Variants in FREM1 observed in about 807,000 individuals in gnomAD.
FREM1 encodes the protein FRAS1-related extracellular matrix protein 1.
In FREM1, 220 loss-of-function variants were observed where a neutral mutation model predicts 210.1. That is an observed-to-expected ratio of 1.05 (90% CI 0.94 to 1.17). The LOEUF (loss-of-function observed/expected upper bound fraction) is 1.17, where lower values mean the gene tolerates loss of function less well. FREM1 is among the 50% of genes most tolerant of loss of function. The pLI is 0.00. For synonymous variants in FREM1, 1,189 were observed against 980.2 expected (o/e 1.21, Z -3.98); for missense variants, 3,454 against 2,675.5 (o/e 1.29, Z -6.42).
At chr9:14,907,362 G>C (rs766068635) in intron 1 of FREM1, among the ~76,000 whole-genome samples, 5 of 152,134 alleles carry the variant, frequency 3.3e-5, no homozygotes, top group East Asian at 1.9e-4. Flanking sequence ...AGTGGGTTTT[G>C]CTTTGTTTTT....
chr9:14,783,097 G>A (rs1192050249), intron 24 of FREM1, among the ~76,000 whole-genome samples: 1 of 152,182 alleles, frequency 6.6e-6, no homozygotes, highest in African/African-American at 2.4e-5. Context: ...CTTGTTAAGG[G>A]ACACTTATCA....
intron 15 of FREM1, among the ~76,000 whole-genome samples, chr9:14,814,436 G>A (rs963616090): frequency 1.3e-5 from 2 of 152,138 alleles, no homozygotes; most frequent in African/African-American, 2.4e-5. Context: ...ATGCAACTAT[G>A]TATATGTGTC....
intron 12 of FREM1, 129 bp from the exon 13 acceptor site, chr9:14,823,456 T>C (rs1179318014): frequency 1.3e-6 from 1 of 786,486 alleles, no homozygotes; most frequent in Non-Finnish European, 2.0e-6. Flanking sequence ...ACTTTGAAGA[T>C]TACCAAAAGC....
chr9:14,747,600 T>TA (rs1842702165), intron 32 of FREM1, 81 bp downstream of exon 32: 1 of 1,040,130 alleles, frequency 9.6e-7, no homozygotes, highest in Non-Finnish European at 1.4e-6. Flanking sequence ...TGTATAAATA[T>TA]AAAAAATATA....
chr9:14,740,752 GC>G (rs571726274), intron 35 of FREM1, among the ~76,000 whole-genome samples: 44 of 152,202 alleles, frequency 2.9e-4, no homozygotes, highest in Admixed American at 9.8e-4. Context: ...AATGAGTATA[GC>G]CCCAACTGTC....
At chr9:14,807,918 G>A (rs1341876013) in intron 17 of FREM1, 22 bp downstream of exon 17, 3 of 1,574,698 alleles carry the variant, frequency 1.9e-6, no homozygotes, top group Non-Finnish European at 8.7e-7. Flanking sequence ...AATAGTACTG[G>A]AACAAAAAAA....
rs1042821359 is a variant in FREM1 at position 14,885,444 on chromosome 9, G to T, written c.-267-16200C>A. ...TGATTTTTGTTTGTTTTAGAGACAGGGGTTTCACCCTGTCGCCCAGGCTAG... is the reference window on the plus strand; with the variant it reads ...TGATTTTTGTTTGTTTTAGAGACAGTGGTTTCACCCTGTCGCCCAGGCTAG... On this transcript the variant is annotated intron_variant, in intron 1 of 36. Coordinates refer to ENST00000380880, the MANE Select transcript of FREM1 (RefSeq NM_001379081.2). Among the ~76,000 whole-genome samples the T allele has an allele frequency of 2.6e-5, 4 of 152,138 alleles. No individual in the cohort carries two copies. The South Asian group carries it at 8.3e-4, about 32-fold the overall frequency.
Position 14,825,547 on chromosome 9 carries a change from GTATA to G in FREM1, c.1882-559_1882-556del, listed in dbSNP as rs372128983. Among the ~76,000 whole-genome samples, 734 of 75,892 alleles carry G rather than the reference GTATA, an allele frequency of 9.7e-3. 17 individuals are homozygous for G. Among genetic ancestry groups the G allele is most frequent in the African/African-American group, 0.035 (631 of 17,802 alleles). 49.8% of individuals were successfully genotyped at this position (75,892 alleles called of 152,430 possible). A position where few individuals can be genotyped will look rare whatever the true frequency, so the allele number is the denominator to read the frequency against. On this transcript the variant is annotated intron_variant, in intron 10 of 36. Transcript: ENST00000380880. ...CATATATATATATATGTGTGTGTGT[GTATA>G]TATATATATATATATATATACCACA...
intron 1 of FREM1, among the ~76,000 whole-genome samples, chr9:14,908,631 C>T (rs929912729): frequency 2.0e-5 from 3 of 152,098 alleles, no homozygotes; most frequent in African/African-American, 7.2e-5. Context: ...CCATGTTGCA[C>T]ATTAAGTTAT....
chr9:14,770,629 C>A lies in FREM1; in HGVS notation c.5035G>T (p.Gly1679Ter). 6.2e-7 allele frequency: 1 copy of A among 1,613,118 alleles called. No individual in the cohort carries two copies. The highest frequency in any genetic ancestry group is 8.5e-7 in the Non-Finnish European group (1 of 1,179,372). The stretch of plus-strand genomic sequence containing the variant: ...CCTGTTGTTGTGTTCTCCAGATGTC[C>A]ATGTTTTGGGCCTTGTAGAATTTTA... ...IFKILQGPKH[G>*]HLENTTTGEF... Residue 1679 changes from glycine to a stop codon, truncating the protein, a stop_gained, in exon 26 of 37, where the codon GGA (glycine) becomes TGA (stop). Transcript: ENST00000380880. LOFTEE classifies it high-confidence loss of function.
At position 14,873,489 on chromosome 9, in the gene FREM1, T is replaced by G. The variant is rs180811389; in HGVS notation, c.-267-4245A>C. Among the ~76,000 whole-genome samples, 838 of 152,306 alleles carry G rather than the reference T, an allele frequency of 5.5e-3. 5 individuals carry two copies. The highest frequency in any genetic ancestry group is 0.019 in the African/African-American group (787 of 41,558). Reference sequence around the variant, plus strand: ...TTTGCAGTATTCTCTGATGGTAGTTTGTATTTCTGTGGGATCGGTGGTGAT... The same window carrying G: ...TTTGCAGTATTCTCTGATGGTAGTTGGTATTTCTGTGGGATCGGTGGTGAT... On this transcript the variant is annotated intron_variant, in intron 1 of 36. Coordinates refer to ENST00000380880, the MANE Select transcript of FREM1 (RefSeq NM_001379081.2).
intron 14 of FREM1, 79 bp from the exon 15 acceptor site, chr9:14,816,950 C>A: frequency 2.2e-6 from 1 of 456,094 alleles, no homozygotes; most frequent in East Asian, 3.5e-5. Flanking sequence ...TGAGCTCTTC[C>A]AAGGCTTTGG....
At chr9:14,819,828 C>A (rs1820966310) in intron 13 of FREM1, among the ~76,000 whole-genome samples, 1 of 152,278 alleles carries the variant, frequency 6.6e-6, no homozygotes, top group South Asian at 2.1e-4. Flanking sequence ...CTAAAAAATA[C>A]ACAAAATCTA....
chr9:14,821,822 G>T (rs1821376765), intron 13 of FREM1, among the ~76,000 whole-genome samples: 1 of 152,212 alleles, frequency 6.6e-6, no homozygotes, highest in South Asian at 2.1e-4. Flanking sequence ...AGATCTGCCA[G>T]AGTTTCAAGG....
chr9:14,881,357 T>C, intron 1 of FREM1, among the ~76,000 whole-genome samples: 1 of 152,160 alleles, frequency 6.6e-6, no homozygotes, highest in East Asian at 1.9e-4. Flanking sequence ...CCCACACTTT[T>C]ACAGCCAATC....
At chr9:14,742,856 C>T (rs778896946) in intron 35 of FREM1, among the ~76,000 whole-genome samples, 10 of 152,164 alleles carry the variant, frequency 6.6e-5, no homozygotes, top group African/African-American at 2.4e-4. Flanking sequence ...TGTCAGTACA[C>T]CTATGATGAG....
intron 2 of FREM1, among the ~76,000 whole-genome samples, chr9:14,866,967 C>T (rs1326018184): frequency 1.3e-5 from 2 of 151,924 alleles, no homozygotes; most frequent in African/African-American, 2.4e-5. Context: ...TCAAGCGATT[C>T]TTGTGTCTCA....
At chr9:14,843,540 T>C (rs551885046) in intron 8 of FREM1, among the ~76,000 whole-genome samples, 22 of 152,302 alleles carry the variant, frequency 1.4e-4, no homozygotes, top group Non-Finnish European at 3.1e-4. Context: ...GATACATACA[T>C]ACATAGATAG....
chr9:14,887,370 G>C (rs1001065295), intron 1 of FREM1, among the ~76,000 whole-genome samples: 2 of 152,176 alleles, frequency 1.3e-5, no homozygotes, highest in African/African-American at 4.8e-5. Context: ...GGGCATTCTG[G>C]CCAAGTGCCC....
Sources: gnomAD v4.1 joint callset for allele counts (sites outside exome capture counted in the v4.1 genomes callset) on GRCh38, gnomAD v4.1.1 for gene constraint, MANE v1.5 for transcripts, NCBI Gene and HGNC (gene_info 2026-07-23, HGNC 2026-07-21) for gene names.